The following CMIP variants were observed in gnomAD, a reference collection of about 807,000 sequenced individuals.
CMIP encodes c-Maf inducing protein, also known as C-Maf-inducing protein.
Under a neutral mutation model 97.3 loss-of-function variants are expected in CMIP, and 13 were observed. The ratio of observed to expected loss-of-function variants is 0.13; its 90% CI spans 0.09 to 0.21. CMIP has a LOEUF of 0.21. Among genes scored for constraint, CMIP ranks in the 10% least tolerant of loss-of-function variants. The pLI, the probability that CMIP is intolerant of heterozygous loss-of-function variation, is 1.00. For synonymous variants in CMIP, 538 were observed against 436.3 expected (o/e 1.23, Z -2.91); for missense variants, 847 against 1,024.9 (o/e 0.83, Z 2.37).
chr16:81,681,067 G>A (rs935210128), intron 10 of CMIP, among the ~76,000 whole-genome samples: 2 of 152,150 alleles, frequency 1.3e-5, no homozygotes, highest in African/African-American at 4.8e-5. Flanking sequence ...CAGGGCCATC[G>A]CCAAGGGCCC....
At chr16:81,618,197 C>G (rs1258669897) in intron 2 of CMIP, among the ~76,000 whole-genome samples, 1 of 152,172 alleles carries the variant, frequency 6.6e-6, no homozygotes, top group Admixed American at 6.5e-5. Flanking sequence ...CAACACAGGT[C>G]CCATGGGGCT....
At position 81,699,759 on chromosome 16, in the gene CMIP, C is replaced by T. The variant is rs748251912; in HGVS notation, c.1713C>T (p.Pro571=). The part of the protein sequence containing the change: ...LLSLAENKLG[P]CMLLALRGNQ... The stretch of plus-strand genomic sequence containing the variant: ...CCCTGGCAGAAAACAAGCTGGGTCC[C>T]TGCATGCTCCTGGCACTGAGGGGGA... Residue 571 remains proline, a synonymous_variant, in exon 15 of 21, where the codon CCC becomes CCT. Transcript: ENST00000537098. The T allele has an allele frequency of 9.3e-6, 15 of 1,613,638 alleles. No individual in the cohort carries two copies. Among genetic ancestry groups the T allele is most frequent in the South Asian group, 3.3e-5 (3 of 91,006 alleles).
chr16:81,493,811 C>G (rs914408909), intron 1 of CMIP, among the ~76,000 whole-genome samples: 1 of 152,252 alleles, frequency 6.6e-6, no homozygotes, highest in African/African-American at 2.4e-5. Context: ...CCTGCTGGCT[C>G]ACACAGCAGC....
intron 1 of CMIP, among the ~76,000 whole-genome samples, chr16:81,579,941 C>T (rs561433938): frequency 6.6e-6 from 1 of 152,238 alleles, no homozygotes; most frequent in East Asian, 1.9e-4. Flanking sequence ...GCCTGGGCGA[C>T]AGTGCGAGAC....
intron 1 of CMIP, among the ~76,000 whole-genome samples, chr16:81,458,834 A>G (rs1906720187): frequency 1.3e-5 from 2 of 152,186 alleles, no homozygotes; most frequent in South Asian, 4.1e-4. Flanking sequence ...ACTCCCTAGG[A>G]TAAAGGGGAG....
intron 1 of CMIP, among the ~76,000 whole-genome samples, chr16:81,573,008 C>T (rs2091122518): frequency 6.6e-6 from 1 of 152,172 alleles, no homozygotes; most frequent in Non-Finnish European, 1.5e-5. Context: ...ATGAAATGAC[C>T]TCTGGTCCCT....
chr16:81,527,445 T>C (rs952030054), intron 1 of CMIP, among the ~76,000 whole-genome samples: 18 of 152,220 alleles, frequency 1.2e-4, no homozygotes, highest in African/African-American at 4.3e-4. Flanking sequence ...ATTCTTTTCT[T>C]CTTCTTTCTT....
intron 10 of CMIP, among the ~76,000 whole-genome samples, chr16:81,691,377 C>T (rs1476996684): frequency 1.4e-5 from 2 of 143,602 alleles, no homozygotes; most frequent in African/African-American, 5.0e-5. Flanking sequence ...AAGGTTGTGT[C>T]TCCCAGTACA....
At chr16:81,503,149 C>G (rs142211131) in intron 1 of CMIP, among the ~76,000 whole-genome samples, 2 of 152,160 alleles carry the variant, frequency 1.3e-5, no homozygotes, top group African/African-American at 2.4e-5. Context: ...TTCTGATTTG[C>G]CCAATACTGT....
chr16:81,461,776 G>A (rs958959984), intron 1 of CMIP, among the ~76,000 whole-genome samples: 1 of 152,232 alleles, frequency 6.6e-6, no homozygotes, highest in Admixed American at 6.5e-5. Flanking sequence ...GCCTCTTGTT[G>A]CTTGTAACTC....
chr16:81,528,198 C>T (rs2090168199), intron 1 of CMIP, among the ~76,000 whole-genome samples: 1 of 152,130 alleles, frequency 6.6e-6, no homozygotes. Context: ...ATATCCTTCA[C>T]ATTCATGACA....
At chr16:81,691,254 C>T (rs966083522) in intron 10 of CMIP, among the ~76,000 whole-genome samples, 1 of 152,226 alleles carries the variant, frequency 6.6e-6, no homozygotes, top group Non-Finnish European at 1.5e-5. Context: ...TCCTGGCTTG[C>T]AGATGGCTGC....
chr16:81,572,483 G>A lies in CMIP; in HGVS notation c.301-35084G>A, dbSNP rs555082540. 1.3e-3 allele frequency among the ~76,000 whole-genome samples: 199 copies of A among 152,362 alleles called. 1 individual carries two copies. Among genetic ancestry groups the A allele is most frequent in the Non-Finnish European group, 1.9e-3 (130 of 68,036 alleles). Reference sequence around the variant, plus strand: ...TTCTCTGCATCTGGCCTTTAACAGTGAGTGGACGGGGCCAGTGTTCTTGGA... The same window carrying A: ...TTCTCTGCATCTGGCCTTTAACAGTAAGTGGACGGGGCCAGTGTTCTTGGA... On this transcript the variant is annotated intron_variant, in intron 1 of 20. Coordinates refer to ENST00000537098, the MANE Select transcript of CMIP (RefSeq NM_198390.3).
At chr16:81,692,715 C>T (rs756655887) in intron 11 of CMIP, among the ~76,000 whole-genome samples, 3 of 152,202 alleles carry the variant, frequency 2.0e-5, no homozygotes, top group Non-Finnish European at 2.9e-5. Context: ...CCTCAGTCCC[C>T]GTCCCCATAG....
chr16:81,487,168 G>C (rs1005837473), intron 1 of CMIP, among the ~76,000 whole-genome samples: 2 of 101,940 alleles, frequency 2.0e-5, no homozygotes, highest in African/African-American at 6.4e-5. Context: ...CTAGTGAACC[G>C]GGGGGGGTGT....
At chr16:81,632,836 A>T (rs987293829) in intron 3 of CMIP, among the ~76,000 whole-genome samples, 2 of 152,022 alleles carry the variant, frequency 1.3e-5, no homozygotes, top group Non-Finnish European at 2.9e-5. Flanking sequence ...AACTCTACAT[A>T]AGGGCCAGCC....
chr16:81,461,510 ATTG>A (rs1310336713), intron 1 of CMIP, among the ~76,000 whole-genome samples: 2 of 152,272 alleles, frequency 1.3e-5, no homozygotes, highest in East Asian at 3.9e-4. Flanking sequence ...CTAATAATCA[ATTG>A]TTGTTGGCAT....
intron 1 of CMIP, among the ~76,000 whole-genome samples, chr16:81,562,356 C>T (rs1297932418): frequency 6.6e-6 from 1 of 152,244 alleles, no homozygotes; most frequent in Admixed American, 6.5e-5. Context: ...TTAGTCCTGA[C>T]AAGGGGGCCC....
chr16:81,640,691 C>T (rs1313237078), intron 3 of CMIP, among the ~76,000 whole-genome samples: 1 of 151,804 alleles, frequency 6.6e-6, no homozygotes, highest in African/African-American at 2.4e-5. Flanking sequence ...CCTTGATGCG[C>T]CTTGGCATCC....
Sources: gnomAD v4.1 joint callset for allele counts (sites outside exome capture counted in the v4.1 genomes callset) on GRCh38, gnomAD v4.1.1 for gene constraint, MANE v1.5 for transcripts, NCBI Gene and HGNC (gene_info 2026-07-23, HGNC 2026-07-21) for gene names.